Variants in RBFOX1 observed in about 807,000 individuals in gnomAD.
RBFOX1 encodes RNA binding protein fox-1 homolog 1.
In RBFOX1, 8 loss-of-function variants were observed where a neutral mutation model predicts 57.7. The observed-to-expected ratio is 0.14, with a 90% CI of 0.08 to 0.25. RBFOX1 has a LOEUF of 0.25. Ranked by LOEUF, RBFOX1 falls within the 10% of genes least tolerant of loss-of-function variation. The pLI, the probability that RBFOX1 is intolerant of heterozygous loss-of-function variation, is 1.00. For missense variants in RBFOX1, 611 were observed against 548.5 expected (o/e 1.11, Z -1.14); for synonymous variants, 326 against 222.4 (o/e 1.47, Z -4.15).
intron 1 of RBFOX1, among the ~76,000 whole-genome samples, chr16:6,110,124 A>G (rs2152571663): frequency 6.6e-6 from 1 of 152,090 alleles, no homozygotes; most frequent in African/African-American, 2.4e-5. Context: ...TCTATGGATA[A>G]GTACATCTAT....
intron 3 of RBFOX1, among the ~76,000 whole-genome samples, chr16:5,778,419 C>A (rs1472887040): frequency 6.6e-6 from 1 of 152,174 alleles, no homozygotes; most frequent in Non-Finnish European, 1.5e-5. Flanking sequence ...GGTTCACAAT[C>A]TGATGGGCTT....
intron 4 of RBFOX1, among the ~76,000 whole-genome samples, chr16:5,964,634 CAT>C (rs2059809672): frequency 6.6e-6 from 1 of 151,856 alleles, no homozygotes; most frequent in South Asian, 2.1e-4. Context: ...ACCATATACA[CAT>C]ATACACACAC....
intron 1 of RBFOX1, among the ~76,000 whole-genome samples, chr16:5,390,445 C>T (rs750825348): frequency 2.6e-5 from 4 of 151,922 alleles, no homozygotes; most frequent in Non-Finnish European, 4.4e-5. Flanking sequence ...CCCACGACTA[C>T]ACTCGGCTAC....
intron 2 of RBFOX1, among the ~76,000 whole-genome samples, chr16:6,595,678 A>G (rs368516478): frequency 1.4e-4 from 22 of 152,274 alleles, no homozygotes; most frequent in East Asian, 9.6e-4. Flanking sequence ...CCCACCAGCA[A>G]TGTCTCTGGC....
chr16:6,232,238 G>A (rs1390563168), intron 1 of RBFOX1, among the ~76,000 whole-genome samples: 2 of 152,156 alleles, frequency 1.3e-5, no homozygotes, highest in South Asian at 4.1e-4. Context: ...TGTGAGTACC[G>A]GCTGGACGGA....
intron 3 of RBFOX1, among the ~76,000 whole-genome samples, chr16:5,741,717 G>C (rs541095839): frequency 6.6e-6 from 1 of 152,286 alleles, no homozygotes; most frequent in Admixed American, 6.5e-5. Flanking sequence ...GCCGGTTAAA[G>C]TGGTGACATT....
Position 5,701,525 on chromosome 16 carries a change from C to T in RBFOX1, c.318+102564C>T, listed in dbSNP as rs1300732770. On this transcript the variant is annotated intron_variant, in intron 3 of 19. Coordinates refer to the RBFOX1 transcript ENST00000641259. ...TAGCACCACCTCAGCTCACTGCTACCTATGCCTCCTGGGCTCAAGCCATTC... is the reference window on the plus strand; with the variant it reads ...TAGCACCACCTCAGCTCACTGCTACTTATGCCTCCTGGGCTCAAGCCATTC... Among the ~76,000 whole-genome samples the T allele has an allele frequency of 3.3e-5, 5 of 152,022 alleles. No individual in the cohort carries two copies. In the East Asian group the frequency reaches 9.7e-4, roughly 29 times the overall value.
At chr16:6,824,421 A>G (rs906774223) in intron 3 of RBFOX1, among the ~76,000 whole-genome samples, 1 of 152,206 alleles carries the variant, frequency 6.6e-6, no homozygotes, top group African/African-American at 2.4e-5. Flanking sequence ...GACTGTAAAC[A>G]GTTATCTTAC....
Position 5,977,229 on chromosome 16 carries a change from ATGGT to A in RBFOX1, c.351+109897_351+109900del, listed in dbSNP as rs763291472. On this transcript the variant is annotated intron_variant, in intron 4 of 19. Transcript: ENST00000641259. ...CAAAAACTCTGGTGACTTTGGAAAAATGGTTGATGATGGCTCCTCACCACCTCTC... is the reference window on the plus strand; with the variant it reads ...CAAAAACTCTGGTGACTTTGGAAAAATGATGATGGCTCCTCACCACCTCTC... Among the ~76,000 whole-genome samples, 6 of 152,216 alleles carry A rather than the reference ATGGT, an allele frequency of 3.9e-5. No homozygotes were observed. In the East Asian group the frequency reaches 1.2e-3, roughly 29 times the overall value.
intron 3 of RBFOX1, among the ~76,000 whole-genome samples, chr16:6,891,684 T>C (rs1286810732): frequency 6.6e-6 from 1 of 152,220 alleles, no homozygotes; most frequent in Non-Finnish European, 1.5e-5. Flanking sequence ...AATGTTTTCC[T>C]TGAACATACT....
At chr16:7,607,644 G>C (rs2056598245) in intron 10 of RBFOX1, among the ~76,000 whole-genome samples, 1 of 152,162 alleles carries the variant, frequency 6.6e-6, no homozygotes, top group Non-Finnish European at 1.5e-5. Context: ...ATGGAGAGCT[G>C]CTCACACCCA....
At chr16:6,793,213 G>C (rs574403483) in intron 3 of RBFOX1, among the ~76,000 whole-genome samples, 1 of 152,166 alleles carries the variant, frequency 6.6e-6, no homozygotes, top group African/African-American at 2.4e-5. Context: ...TTTTTAAAAA[G>C]GTACTGTTTG....
At chr16:6,798,908 A>G (rs1168743874) in intron 3 of RBFOX1, among the ~76,000 whole-genome samples, 1 of 152,188 alleles carries the variant, frequency 6.6e-6, no homozygotes, top group African/African-American at 2.4e-5. Flanking sequence ...AGAGAAAAAA[A>G]ATGAATTCTT....
intron 1 of RBFOX1, among the ~76,000 whole-genome samples, chr16:5,323,500 G>A (rs1258617347): frequency 2.0e-5 from 3 of 152,320 alleles, no homozygotes; most frequent in South Asian, 4.1e-4. Context: ...CTGCATCAGC[G>A]GCCTTGCCTC....
chr16:6,556,518 G>A (rs1433306330), intron 2 of RBFOX1, among the ~76,000 whole-genome samples: 1 of 152,116 alleles, frequency 6.6e-6, no homozygotes, highest in African/African-American at 2.4e-5. Flanking sequence ...GCGCATTAAG[G>A]CCCACAGACA....
intron 4 of RBFOX1, among the ~76,000 whole-genome samples, chr16:7,385,927 T>C (rs545888780): frequency 1.9e-5 from 2 of 104,942 alleles, no homozygotes; most frequent in Admixed American, 8.8e-5. Flanking sequence ...TACTTATTTA[T>C]TTATTTATTT....
chr16:5,518,863 C>A (rs2043901532), intron 2 of RBFOX1, among the ~76,000 whole-genome samples: 1 of 152,226 alleles, frequency 6.6e-6, no homozygotes, highest in South Asian at 2.1e-4. Context: ...CCCTATCCCC[C>A]TAACCCCCAC....
chr16:6,127,571 A>C (rs1376304757), intron 1 of RBFOX1, among the ~76,000 whole-genome samples: 1 of 152,178 alleles, frequency 6.6e-6, no homozygotes, highest in Non-Finnish European at 1.5e-5. Flanking sequence ...AGGTGGTGGT[A>C]AGTCTCTAAA....
chr16:6,569,420 A>C (rs1250054704), intron 2 of RBFOX1, among the ~76,000 whole-genome samples: 3 of 152,156 alleles, frequency 2.0e-5, no homozygotes, highest in Non-Finnish European at 2.9e-5. Flanking sequence ...GCACTTAGGA[A>C]GTGTTGACTT....
Sources: gnomAD v4.1 joint callset for allele counts (sites outside exome capture counted in the v4.1 genomes callset) on GRCh38, gnomAD v4.1.1 for gene constraint, MANE v1.5 for transcripts, NCBI Gene and HGNC (gene_info 2026-07-23, HGNC 2026-07-21) for gene names.